The following CDH13 variants were observed in gnomAD, a reference collection of about 807,000 sequenced individuals.
CDH13 encodes the protein cadherin 13.
Under a neutral mutation model 63.8 loss-of-function variants are expected in CDH13, and 24 were observed. That is an observed-to-expected ratio of 0.38 (90% confidence interval 0.27 to 0.53). The LOEUF (loss-of-function observed/expected upper bound fraction) is 0.53. CDH13 is among the 20% of genes least tolerant of loss of function. The probability of loss-of-function intolerance (pLI) is 0.85; values close to 1 mark genes in which losing one functional copy is unlikely to be tolerated. For synonymous variants in CDH13, 503 were observed against 355.3 expected (o/e 1.42, Z -4.67); for missense variants, 1,049 against 903.1 (o/e 1.16, Z -2.07).
intron 1 of CDH13, among the ~76,000 whole-genome samples, chr16:82,713,817 C>A (rs12599456): frequency 0.31 from 42,880 of 137,916 alleles, 6,972 homozygotes; most frequent in Middle Eastern, 0.37. Flanking sequence ...AAAAAAAAAA[C>A]AAACAAAAAA....
At chr16:83,648,948 C>T (rs1912098825) in intron 8 of CDH13, among the ~76,000 whole-genome samples, 1 of 152,196 alleles carries the variant, frequency 6.6e-6, no homozygotes. Context: ...TTCCCCGCAA[C>T]ACACATACAC....
At chr16:82,776,799 G>A (rs567442458) in intron 1 of CDH13, among the ~76,000 whole-genome samples, 26 of 152,274 alleles carry the variant, frequency 1.7e-4, no homozygotes, top group Non-Finnish European at 1.6e-4. Flanking sequence ...AAAGAGATGG[G>A]AGCTTCCACT....
At chr16:83,146,771 T>C (rs947587476) in intron 4 of CDH13, among the ~76,000 whole-genome samples, 2 of 152,190 alleles carry the variant, frequency 1.3e-5, no homozygotes, top group African/African-American at 4.8e-5. Context: ...AAAAATGGTA[T>C]GTTCAAAGTA....
At chr16:83,574,696 G>A (rs192257249) in intron 7 of CDH13, among the ~76,000 whole-genome samples, 1 of 152,168 alleles carries the variant, frequency 6.6e-6, no homozygotes, top group Admixed American at 6.5e-5. Context: ...TCCCACTTCA[G>A]TGGTAGCTTC....
At chr16:83,502,312 C>G (rs780621498) in intron 7 of CDH13, among the ~76,000 whole-genome samples, 9 of 151,982 alleles carry the variant, frequency 5.9e-5, no homozygotes, top group South Asian at 2.1e-4. Flanking sequence ...TAAAGATGCT[C>G]TAGTGCTGGC....
chr16:83,380,517 A>T (rs1250242051), intron 6 of CDH13, among the ~76,000 whole-genome samples: 1 of 152,206 alleles, frequency 6.6e-6, no homozygotes, highest in Non-Finnish European at 1.5e-5. Flanking sequence ...TGTAAAAGAA[A>T]AAAAAATCTC....
chr16:83,072,809 C>A (rs1474417876), intron 3 of CDH13, among the ~76,000 whole-genome samples: 2 of 152,150 alleles, frequency 1.3e-5, no homozygotes, highest in Non-Finnish European at 2.9e-5. Flanking sequence ...TACCCCAGAT[C>A]TACTGAATCA....
intron 5 of CDH13, among the ~76,000 whole-genome samples, chr16:83,267,777 TC>T (rs1317351283): frequency 6.6e-6 from 1 of 152,194 alleles, no homozygotes. Flanking sequence ...TAATTTTTTT[TC>T]ATTAGAAATG....
intron 6 of CDH13, among the ~76,000 whole-genome samples, chr16:83,480,589 A>G (rs2073736800): frequency 6.6e-6 from 1 of 152,180 alleles, no homozygotes; most frequent in Non-Finnish European, 1.5e-5. Context: ...CACTACAGTC[A>G]CATTTGCAAC....
intron 1 of CDH13, among the ~76,000 whole-genome samples, chr16:82,730,038 G>C (rs901401856): frequency 6.6e-6 from 1 of 152,170 alleles, no homozygotes; most frequent in Non-Finnish European, 1.5e-5. Flanking sequence ...TGTGGATTAG[G>C]TGTTGGCTTA....
chr16:83,145,751 T>G (rs1264981499), intron 4 of CDH13, among the ~76,000 whole-genome samples: 1 of 152,182 alleles, frequency 6.6e-6, no homozygotes, highest in East Asian at 1.9e-4. Flanking sequence ...TTGCAAGACC[T>G]GAGGAATAGA....
intron 2 of CDH13, among the ~76,000 whole-genome samples, chr16:82,902,753 A>T (rs2041512717): frequency 6.6e-6 from 1 of 152,074 alleles, no homozygotes; most frequent in Non-Finnish European, 1.5e-5. Context: ...CCCCAACGAA[A>T]CCTACCATGT....
At chr16:83,487,448 A>G (rs2073915947) in intron 7 of CDH13, among the ~76,000 whole-genome samples, 1 of 152,150 alleles carries the variant, frequency 6.6e-6, no homozygotes, top group African/African-American at 2.4e-5. Flanking sequence ...TGTCCCCTTT[A>G]GATGGGACAT....
At chr16:83,440,537 C>T (rs532827659) in intron 6 of CDH13, among the ~76,000 whole-genome samples, 65 of 152,210 alleles carry the variant, frequency 4.3e-4, no homozygotes, top group African/African-American at 1.3e-3. Context: ...CCCAGAGCTT[C>T]AGGAGGCCAA....
At chr16:83,499,429 C>G (rs532177551) in intron 7 of CDH13, among the ~76,000 whole-genome samples, 2 of 152,230 alleles carry the variant, frequency 1.3e-5, no homozygotes, top group African/African-American at 4.8e-5. Context: ...ATCTGGGTTG[C>G]TTGAGTCTGA....
At chr16:83,281,396 T>C (rs1010439885) in intron 5 of CDH13, among the ~76,000 whole-genome samples, 4 of 152,206 alleles carry the variant, frequency 2.6e-5, no homozygotes, top group African/African-American at 9.7e-5. Context: ...GGCTTTACCT[T>C]AAGTGAATGT....
intron 8 of CDH13, among the ~76,000 whole-genome samples, chr16:83,606,476 G>A (rs2150756318): frequency 6.6e-6 from 1 of 152,250 alleles, no homozygotes; most frequent in African/African-American, 2.4e-5. Flanking sequence ...GGTGGCTCGT[G>A]TCTGTAATCC....
intron 6 of CDH13, among the ~76,000 whole-genome samples, chr16:83,442,637 T>C (rs2072512672): frequency 6.6e-6 from 1 of 152,224 alleles, no homozygotes; most frequent in African/African-American, 2.4e-5. Context: ...CTGGACTAGA[T>C]GTAACAAACG....
chr16:82,963,590 C>G (rs1180523327), intron 2 of CDH13, among the ~76,000 whole-genome samples: 2 of 152,124 alleles, frequency 1.3e-5, no homozygotes, highest in African/African-American at 2.4e-5. Context: ...CATTATATAA[C>G]TCATTCTGTA....
Sources: allele counts gnomAD v4.1 joint callset (sites outside exome capture counted in the v4.1 genomes callset), GRCh38; gene constraint gnomAD v4.1.1; transcripts MANE v1.5; gene names NCBI Gene and HGNC (gene_info 2026-07-23, HGNC 2026-07-21).